SHANK2: variants seen among roughly 807,000 people sequenced by gnomAD.
SHANK2 encodes the protein SH3 and multiple ankyrin repeat domains 2, also known as SH3 and multiple ankyrin repeat domains protein 2.
SHANK2 carries 43 observed loss-of-function variants against 133.7 expected under a neutral mutation model. The ratio of observed to expected loss-of-function variants is 0.32; its 90% CI spans 0.25 to 0.41. SHANK2 has a LOEUF of 0.41. Ranked by LOEUF, SHANK2 falls within the 10% of genes least tolerant of loss-of-function variation. SHANK2 has a pLI of 1.00. For synonymous variants in SHANK2, 1,017 were observed against 952.8 expected (o/e 1.07, Z -1.24); for missense variants, 1,994 against 2,235.8 (o/e 0.89, Z 2.18).
At chr11:71,181,515 G>T (rs1555113749) in intron 2 of SHANK2, among the ~76,000 whole-genome samples, 2 of 152,116 alleles carry the variant, frequency 1.3e-5, no homozygotes, top group African/African-American at 4.8e-5. Flanking sequence ...GACAATTCAG[G>T]ATCTCAGAAG....
chr11:70,546,613 C>T (rs1554976470), intron 17 of SHANK2, among the ~76,000 whole-genome samples: 2 of 152,230 alleles, frequency 1.3e-5, no homozygotes, highest in African/African-American at 4.8e-5. Flanking sequence ...CCTCATGCTA[C>T]AGCCCAGTCC....
At chr11:70,593,923 A>G (rs1360881694) in intron 17 of SHANK2, among the ~76,000 whole-genome samples, 10 of 152,138 alleles carry the variant, frequency 6.6e-5, no homozygotes, top group Admixed American at 6.5e-4. Flanking sequence ...ACTGATGCAC[A>G]TGTGGGACCT....
chr11:70,864,753 T>C (rs1555068675), intron 11 of SHANK2: 1 of 152,240 alleles, frequency 6.6e-6, no homozygotes, highest in Admixed American at 6.5e-5. Flanking sequence ...GACCTGGATA[T>C]GGTGGTGTGA....
intron 2 of SHANK2, among the ~76,000 whole-genome samples, chr11:71,165,813 G>A (rs1388942188): frequency 2.6e-5 from 4 of 152,032 alleles, no homozygotes; most frequent in Non-Finnish European, 5.9e-5. Context: ...TCTCATCCTC[G>A]GGCCTCCCTC....
intron 14 of SHANK2, among the ~76,000 whole-genome samples, chr11:70,702,654 T>C (rs1555024051): frequency 6.6e-6 from 1 of 152,252 alleles, no homozygotes; most frequent in Admixed American, 6.5e-5. Flanking sequence ...AAGACACATT[T>C]ATCTACTGTC....
At chr11:71,060,020 G>T (rs1296607295) in intron 9 of SHANK2, among the ~76,000 whole-genome samples, 1 of 152,168 alleles carries the variant, frequency 6.6e-6, no homozygotes, top group Non-Finnish European at 1.5e-5. Flanking sequence ...GGAAGGTCAG[G>T]TTGGTTAGAG....
At chr11:71,115,455 C>G (rs1377875059) in intron 4 of SHANK2, among the ~76,000 whole-genome samples, 2 of 152,084 alleles carry the variant, frequency 1.3e-5, no homozygotes, top group African/African-American at 2.4e-5. Flanking sequence ...GATGACAGAG[C>G]GAGACTCGGT....
chr11:70,585,920 C>T (rs1172562667), intron 17 of SHANK2, among the ~76,000 whole-genome samples: 3 of 150,616 alleles, frequency 2.0e-5, no homozygotes, highest in Non-Finnish European at 4.4e-5. Context: ...CATCCATCCA[C>T]CCATCCTTCA....
chr11:71,191,011 C>T (rs1030155892), intron 2 of SHANK2, among the ~76,000 whole-genome samples: 8 of 151,952 alleles, frequency 5.3e-5, no homozygotes, highest in African/African-American at 1.9e-4. Context: ...CCAAGAAATA[C>T]CTCACACCAG....
At chr11:71,146,460 G>C (rs2135401566) in intron 3 of SHANK2, among the ~76,000 whole-genome samples, 1 of 146,598 alleles carries the variant, frequency 6.8e-6, no homozygotes, top group Admixed American at 6.9e-5. Context: ...GTTCCCAGGG[G>C]CCAACCTCCT....
At chr11:70,634,365 C>G (rs1565198585) in intron 17 of SHANK2, 1 of 151,932 alleles carries the variant, frequency 6.6e-6, no homozygotes, top group African/African-American at 2.4e-5. Flanking sequence ...AACAAAAGCA[C>G]AGCCAATAAA....
At chr11:70,903,205 C>T (rs782311305) in intron 10 of SHANK2, among the ~76,000 whole-genome samples, 24 of 151,772 alleles carry the variant, frequency 1.6e-4, no homozygotes, top group Non-Finnish European at 2.9e-4. Flanking sequence ...GGTGAATCCC[C>T]GTCTTTACTA....
intron 2 of SHANK2, among the ~76,000 whole-genome samples, chr11:71,164,706 T>G (rs1442174824): frequency 2.0e-5 from 3 of 152,224 alleles, no homozygotes; most frequent in African/African-American, 7.2e-5. Flanking sequence ...TGTATAGATG[T>G]TCTTGTACAC....
chr11:70,685,185 T>C (rs1945117924), intron 15 of SHANK2, among the ~76,000 whole-genome samples: 1 of 151,792 alleles, frequency 6.6e-6, no homozygotes, highest in African/African-American at 2.4e-5. Flanking sequence ...AACTGGCAAA[T>C]GAAACCCAGG....
chr11:71,202,415 AC>A (rs1954036059), intron 2 of SHANK2, among the ~76,000 whole-genome samples: 2 of 152,154 alleles, frequency 1.3e-5, no homozygotes, highest in Admixed American at 6.5e-5. Context: ...AGGTGACTGA[AC>A]CCATTTCAGA....
intron 14 of SHANK2, among the ~76,000 whole-genome samples, chr11:70,788,927 C>G (rs566817085): frequency 6.6e-6 from 1 of 152,174 alleles, no homozygotes; most frequent in Admixed American, 6.5e-5. Context: ...CGGGTCCACA[C>G]GATCTGAAGG....
At chr11:70,537,593 C>T (rs953394458) in intron 17 of SHANK2, among the ~76,000 whole-genome samples, 1 of 152,182 alleles carries the variant, frequency 6.6e-6, no homozygotes, top group South Asian at 2.1e-4. Context: ...TGGCTGCAGC[C>T]CTGTGAGGCT....
At chr11:70,888,793 G>A (rs781345709) in intron 11 of SHANK2, among the ~76,000 whole-genome samples, 20 of 151,762 alleles carry the variant, frequency 1.3e-4, no homozygotes, top group Non-Finnish European at 2.2e-4. Flanking sequence ...CTCCAGCCTG[G>A]GCGACAGAGG....
chr11:71,252,549 C>A lies in SHANK2; in HGVS notation c.-237G>T, dbSNP rs1214761416. ...CCCCGCCGGAGCTCAGGAGCCGCCGCCGCGGCTCAGGTGCAGGGGGTGGGG... is the reference window on the plus strand; with the variant it reads ...CCCCGCCGGAGCTCAGGAGCCGCCGACGCGGCTCAGGTGCAGGGGGTGGGG... On this transcript the variant is annotated 5_prime_UTR_variant, in exon 1 of 26. Transcript: ENST00000601538. This position sits in a 1 kb window ranked among gnomAD's most constrained non-coding sequence, Gnocchi z 6.3. 1 of 150,848 alleles carries A rather than the reference C, an allele frequency of 6.6e-6. No homozygotes were observed. Among genetic ancestry groups the A allele is most frequent in the Non-Finnish European group, 1.5e-5 (1 of 67,534 alleles). The allele number at this position is 150,848 out of a possible 1,614,324, so 9.3% of individuals were successfully genotyped here.
Sources: allele counts gnomAD v4.1 joint callset (sites outside exome capture counted in the v4.1 genomes callset), GRCh38; gene constraint gnomAD v4.1.1; non-coding constraint Gnocchi (gnomAD v3.1); transcripts MANE v1.5; gene names NCBI Gene and HGNC (gene_info 2026-07-23, HGNC 2026-07-21).